Variants in ULK2 observed in about 807,000 individuals in gnomAD.
The protein encoded by ULK2 is unc-51 like autophagy activating kinase 2.
Under a neutral mutation model 127.5 loss-of-function variants are expected in ULK2, and 76 were observed. The observed-to-expected ratio is 0.60, with a 90% CI of 0.50 to 0.72. The LOEUF (loss-of-function observed/expected upper bound fraction) is 0.72, where lower values mean the gene tolerates loss of function less well. Ranked by LOEUF, ULK2 falls within the 30% of genes least tolerant of loss-of-function variation. The pLI is 0.00. For synonymous variants in ULK2, 452 were observed against 461.9 expected, an observed-to-expected ratio of 0.98 and a Z score of 0.28; for missense variants, 1,144 against 1,295.9, an observed-to-expected ratio of 0.88 and a Z score of 1.80.
chr17:19,797,353 A>G (rs1567683493), intron 18 of ULK2, 43 bp downstream of exon 18: 1 of 1,559,102 alleles, frequency 6.4e-7, no homozygotes, highest in Non-Finnish European at 8.7e-7. Flanking sequence ...TCCATAAAGT[A>G]CTATACCAGT....
Position 19,804,768 on chromosome 17 carries a change from A to C in ULK2, c.1220T>G (p.Ile407Arg). The C allele has an allele frequency of 6.2e-7, 1 of 1,613,054 alleles. No individual in the cohort carries two copies. Among genetic ancestry groups the C allele is most frequent in the Non-Finnish European group, 8.5e-7 (1 of 1,179,416 alleles). ...CTGCTCTATGCGCTGATAATTCCTT[A>C]TTTGAGTAGGAACTGGAATTGGTGC... Reference protein sequence around the residue: ...ETAPIPVPTQIRNYQRIEQNL... With the variant: ...ETAPIPVPTQRRNYQRIEQNL... Residue 407 changes from isoleucine to arginine, a missense_variant, in exon 15 of 27, where the codon ATA becomes AGA. Physicochemically the swap from Ile to Arg is moderately conservative, Grantham distance 97. Coordinates refer to ENST00000395544, the MANE Select transcript of ULK2 (RefSeq NM_014683.4).
chr17:19,809,992 G>A, intron 14 of ULK2, among the ~76,000 whole-genome samples: 1 of 152,062 alleles, frequency 6.6e-6, no homozygotes, highest in East Asian at 1.9e-4. Flanking sequence ...AGCACTCTGG[G>A]AGGCCAAGGC....
At chr17:19,804,094 T>C (rs2087459262) in intron 15 of ULK2, among the ~76,000 whole-genome samples, 1 of 152,068 alleles carries the variant, frequency 6.6e-6, no homozygotes, top group Admixed American at 6.6e-5. Flanking sequence ...AAGAATAACC[T>C]ATGCTTGGCC....
chr17:19,866,228 C>G (rs1172967649), intron 1 of ULK2, among the ~76,000 whole-genome samples: 1 of 152,110 alleles, frequency 6.6e-6, no homozygotes, highest in Non-Finnish European at 1.5e-5. Context: ...GGAGCCGTGG[C>G]TCACACCTGT....
At chr17:19,853,812 C>A (rs1182787059) in intron 3 of ULK2, among the ~76,000 whole-genome samples, 1 of 151,900 alleles carries the variant, frequency 6.6e-6, no homozygotes, top group Non-Finnish European at 1.5e-5. Context: ...ACCTCGTGAT[C>A]CCCCCGCCTC....
Position 19,867,499 on chromosome 17 carries a change from G to C in ULK2, c.-82C>G, listed in dbSNP as rs995365838. On this transcript the variant is annotated 5_prime_UTR_variant, in exon 1 of 27. Transcript: ENST00000395544. ...TCAGCACCGCGGCTCCGCGGGCCCGGAGCGCGCCAGCGTGCGGCGGGTCTG... is the reference window on the plus strand; with the variant it reads ...TCAGCACCGCGGCTCCGCGGGCCCGCAGCGCGCCAGCGTGCGGCGGGTCTG... 77 of 1,104,356 alleles carry C rather than the reference G, an allele frequency of 7.0e-5. No homozygotes were observed. Among genetic ancestry groups the C allele is most frequent in the Non-Finnish European group, 9.0e-5 (75 of 834,848 alleles). The allele number at this position is 1,104,356 out of a possible 1,614,324, so 68.4% of individuals were successfully genotyped here. A position where few individuals can be genotyped will look rare whatever the true frequency, so the allele number is the denominator to read the frequency against.
chr17:19,833,153 GAAC>G (rs1032955725), intron 10 of ULK2, among the ~76,000 whole-genome samples: 1 of 125,754 alleles, frequency 8.0e-6, no homozygotes, highest in African/African-American at 3.4e-5. Context: ...AAAAAAAACA[GAAC>G]AACCCCCAAT....
At chr17:19,863,767 T>C (rs1257666145) in intron 3 of ULK2, among the ~76,000 whole-genome samples, 2 of 152,118 alleles carry the variant, frequency 1.3e-5, no homozygotes, top group African/African-American at 2.4e-5. Flanking sequence ...TCTCCAATGC[T>C]GAGATCTGAA....
chr17:19,840,999 G>A (rs575661296), intron 9 of ULK2, among the ~76,000 whole-genome samples: 1 of 151,976 alleles, frequency 6.6e-6, no homozygotes, highest in Non-Finnish European at 1.5e-5. Context: ...CACAAAATAT[G>A]ATGTAATTTG....
chr17:19,792,665 T>C (rs2087180107), intron 20 of ULK2, among the ~76,000 whole-genome samples: 1 of 152,104 alleles, frequency 6.6e-6, no homozygotes, highest in African/African-American at 2.4e-5. Context: ...GAGCTTGCAG[T>C]GAGCCAAGAT....
At chr17:19,780,878 G>C in intron 24 of ULK2, 108 bp downstream of exon 24, 1 of 1,174,342 alleles carries the variant, frequency 8.5e-7, no homozygotes, top group Admixed American at 2.2e-5. Flanking sequence ...TAAGAATACT[G>C]AAAAATAAAA....
At chr17:19,840,147 C>CT in intron 9 of ULK2, 1 of 435,330 alleles carries the variant, frequency 2.3e-6, no homozygotes, top group Non-Finnish European at 4.6e-6. Flanking sequence ...AAAGTATACT[C>CT]TATCACGCCT....
At position 19,776,346 on chromosome 17, in the gene ULK2, T is replaced by C. The variant is rs1453379364; in HGVS notation, c.*3A>G. The C allele has an allele frequency of 6.2e-7, 1 of 1,603,446 alleles. No homozygotes were observed. The highest frequency in any genetic ancestry group is 1.1e-5 in the South Asian group (1 of 88,734). ...CCACCGGTCCACGGGATGAGCCTGC[T>C]GCTCACACGGTTGCGGTGCTATGGC... is the stretch of plus-strand genomic sequence containing the variant. On this transcript the variant is annotated 3_prime_UTR_variant, in exon 27 of 27. Transcript: ENST00000395544.
intron 3 of ULK2, among the ~76,000 whole-genome samples, chr17:19,854,756 G>A (rs2042087932): frequency 6.6e-6 from 1 of 151,872 alleles, no homozygotes; most frequent in African/African-American, 2.4e-5. Context: ...GAAACCTAGG[G>A]GTCATTAAAT....
intron 10 of ULK2, among the ~76,000 whole-genome samples, chr17:19,828,040 A>G (rs1415305782): frequency 2.0e-5 from 3 of 152,222 alleles, no homozygotes; most frequent in African/African-American, 7.2e-5. Context: ...TGTAATATAC[A>G]GGGATCCTTA....
chr17:19,862,467 AT>A (rs958193201), intron 3 of ULK2, among the ~76,000 whole-genome samples: 60 of 144,166 alleles, frequency 4.2e-4, no homozygotes, highest in Non-Finnish European at 5.5e-4. Flanking sequence ...AAAAATGACA[AT>A]TTTTTTTTTT....
chr17:19,840,475 G>C (rs532319876), intron 9 of ULK2: 1 of 460,792 alleles, frequency 2.2e-6, no homozygotes, highest in Non-Finnish European at 4.2e-6. Flanking sequence ...AAACTTATCC[G>C]GGAAGGAAAA....
intron 3 of ULK2, among the ~76,000 whole-genome samples, chr17:19,857,165 G>GTTT (rs1162318595): frequency 6.6e-6 from 1 of 151,882 alleles, no homozygotes; most frequent in Non-Finnish European, 1.5e-5. Flanking sequence ...CATTAGCCAG[G>GTTT]TGTGGTGGCG....
intron 10 of ULK2, among the ~76,000 whole-genome samples, chr17:19,837,351 G>A (rs1366340529): frequency 6.6e-6 from 1 of 152,016 alleles, no homozygotes; most frequent in Non-Finnish European, 1.5e-5. Context: ...GCCTGGGAAA[G>A]TCAAGGCTGC....
Sources: gnomAD v4.1 joint callset for allele counts (sites outside exome capture counted in the v4.1 genomes callset) on GRCh38, gnomAD v4.1.1 for gene constraint, MANE v1.5 for transcripts, NCBI Gene and HGNC (gene_info 2026-07-23, HGNC 2026-07-21) for gene names.